The following SEZ6L variants were observed in gnomAD, a reference collection of about 807,000 sequenced individuals.
The protein encoded by SEZ6L is seizure related 6 homolog like.
SEZ6L carries 37 observed loss-of-function variants against 106.2 expected under a neutral mutation model. The observed-to-expected ratio is 0.35, with a 90% confidence interval of 0.27 to 0.46. The LOEUF (loss-of-function observed/expected upper bound fraction) is 0.46. Among genes scored for constraint, SEZ6L ranks in the 20% least tolerant of loss-of-function variants. The pLI is 1.00. For missense variants in SEZ6L, 1,172 were observed against 1,332.8 expected, an observed-to-expected ratio of 0.88 and a Z score of 1.88; for synonymous variants, 541 against 570.4, an observed-to-expected ratio of 0.95 and a Z score of 0.73.
At chr22:26,177,982 T>C (rs1939133675) in intron 1 of SEZ6L, among the ~76,000 whole-genome samples, 1 of 152,198 alleles carries the variant, frequency 6.6e-6, no homozygotes, top group Admixed American at 6.5e-5. Flanking sequence ...GTCTTCTGAC[T>C]CCCATGCTAA....
At chr22:26,278,764 A>AGAAAGAAG (rs1470390229) in intron 1 of SEZ6L, among the ~76,000 whole-genome samples, 9 of 151,860 alleles carry the variant, frequency 5.9e-5, no homozygotes, top group Non-Finnish European at 1.2e-4. Flanking sequence ...AGAAGGGGAA[A>AGAAAGAAG]GAAAGAAGGA....
intron 1 of SEZ6L, among the ~76,000 whole-genome samples, chr22:26,288,399 T>C (rs987309096): frequency 2.6e-5 from 4 of 151,922 alleles, no homozygotes; most frequent in African/African-American, 9.7e-5. Flanking sequence ...GGAGTTGGGG[T>C]TGGAGATTAG....
chr22:26,359,243 G>A (rs2083535028), intron 12 of SEZ6L, among the ~76,000 whole-genome samples: 1 of 152,132 alleles, frequency 6.6e-6, no homozygotes, highest in African/African-American at 2.4e-5. Context: ...CTGAGGACTG[G>A]GTCAAAATTG....
At chr22:26,354,433 T>C (rs539462500) in intron 12 of SEZ6L, among the ~76,000 whole-genome samples, 28 of 152,306 alleles carry the variant, frequency 1.8e-4, no homozygotes, top group African/African-American at 6.7e-4. Flanking sequence ...GTGGCCCTGC[T>C]GACACCTTGA....
chr22:26,304,866 C>T (rs2081585242), intron 5 of SEZ6L, among the ~76,000 whole-genome samples: 1 of 152,060 alleles, frequency 6.6e-6, no homozygotes, highest in African/African-American at 2.4e-5. Flanking sequence ...TACAGTTATG[C>T]ATCACTTAAC....
At chr22:26,229,755 C>G (rs551708550) in intron 1 of SEZ6L, among the ~76,000 whole-genome samples, 1 of 152,160 alleles carries the variant, frequency 6.6e-6, no homozygotes, top group Admixed American at 6.5e-5. Context: ...TTGAAAGTTC[C>G]CCAGATGATT....
At position 26,220,574 on chromosome 22, in the gene SEZ6L, A is replaced by T. The variant is rs149187727; in HGVS notation, c.94+50811A>T. ...CTTGGGTGAAGCAGGTCTCATTGCC[A>T]GGTGAGATGATGATGAGACAGGTGC... On this transcript the variant is annotated intron_variant, in intron 1 of 16. Transcript: ENST00000248933. Among the ~76,000 whole-genome samples the T allele has an allele frequency of 6.5e-4, 99 of 152,238 alleles. 2 individuals are homozygous for T. The highest frequency in any genetic ancestry group is 3.4e-3 in the Middle Eastern group (1 of 294).
At chr22:26,368,789 T>C (rs1182930396) in intron 13 of SEZ6L, among the ~76,000 whole-genome samples, 1 of 152,068 alleles carries the variant, frequency 6.6e-6, no homozygotes, top group Non-Finnish European at 1.5e-5. Context: ...TTAAGTCTTA[T>C]GACCACTGTC....
chr22:26,302,626 G>T (rs1012860897), intron 5 of SEZ6L, among the ~76,000 whole-genome samples: 3 of 152,168 alleles, frequency 2.0e-5, no homozygotes, highest in African/African-American at 7.2e-5. Flanking sequence ...TTCCCCCAAG[G>T]CCCTTCAGAA....
At chr22:26,297,154 T>G in intron 4 of SEZ6L, 74 bp downstream of exon 4, 1 of 1,313,922 alleles carries the variant, frequency 7.6e-7, no homozygotes, top group African/African-American at 1.5e-5. Flanking sequence ...ATTTTAAAAC[T>G]TTTTGTGCCA....
At chr22:26,363,611 GC>G (rs1406386669) in intron 12 of SEZ6L, among the ~76,000 whole-genome samples, 5 of 152,200 alleles carry the variant, frequency 3.3e-5, no homozygotes, top group African/African-American at 1.2e-4. Context: ...GGTCTTGAAG[GC>G]ATGCTTGAGA....
intron 1 of SEZ6L, among the ~76,000 whole-genome samples, chr22:26,194,171 G>C (rs1260947266): frequency 6.6e-6 from 1 of 152,158 alleles, no homozygotes; most frequent in Non-Finnish European, 1.5e-5. Context: ...CAAGAACTTT[G>C]GGGCTGAAAG....
intron 11 of SEZ6L, among the ~76,000 whole-genome samples, chr22:26,350,127 T>C (rs1231562699): frequency 6.6e-6 from 1 of 151,648 alleles, no homozygotes; most frequent in East Asian, 1.9e-4. Flanking sequence ...ATATGCAACC[T>C]TATACATAGG....
At position 26,314,091 on chromosome 22, in the gene SEZ6L, C is replaced by G. The variant is rs942001102; in HGVS notation, c.2015+189C>G. Among the ~76,000 whole-genome samples the G allele has an allele frequency of 5.8e-3, 821 of 142,434 alleles. 15 individuals carry two copies. The East Asian group carries it at 0.058, about 10-fold the overall frequency. The allele number at this position is 142,434 out of a possible 152,430, so 93.4% of individuals were successfully genotyped here. On this transcript the variant is annotated intron_variant, in intron 9 of 16. Transcript: ENST00000248933. ...ACAAATACACACACACACACACACA[C>G]ACACAGAGAGAGAGAGAGAGGAGAG...
At position 26,373,449 on chromosome 22, in the gene SEZ6L, A is replaced by G; in HGVS notation, c.2795-2A>G. 6.9e-6 allele frequency: 11 copies of G among 1,601,688 alleles called. No individual in the cohort carries two copies. The highest frequency in any genetic ancestry group is 9.4e-6 in the Non-Finnish European group (11 of 1,175,894). ...ACCAATGCTTCCTGATTTCTCTTTCAGTTAATCAAGACAGTTTTGAACATG... is the reference window on the plus strand; with the variant it reads ...ACCAATGCTTCCTGATTTCTCTTTCGGTTAATCAAGACAGTTTTGAACATG... On this transcript the variant is annotated splice_acceptor_variant, in intron 13 of 16. Transcript: ENST00000248933. LOFTEE classifies it high-confidence loss of function.
At chr22:26,362,022 C>G (rs1407942071) in intron 12 of SEZ6L, among the ~76,000 whole-genome samples, 1 of 77,958 alleles carries the variant, frequency 1.3e-5, no homozygotes, top group Non-Finnish European at 2.5e-5. Flanking sequence ...CAGACCCACC[C>G]TGCATTAAAA....
chr22:26,324,103 A>ACACAAACACAC (rs1569463232), intron 9 of SEZ6L, among the ~76,000 whole-genome samples: 2 of 83,304 alleles, frequency 2.4e-5, no homozygotes, highest in African/African-American at 1.1e-4. Flanking sequence ...CACACACACA[A>ACACAAACACAC]ACACACACAC....
chr22:26,382,809 A>C lies in SEZ6L; in HGVS notation c.*2514A>C, dbSNP rs2146099720. The C allele has an allele frequency of 6.6e-6, 1 of 152,320 alleles. No homozygotes were observed. Among genetic ancestry groups the C allele is most frequent in the South Asian group, 2.1e-4 (1 of 4,830 alleles). The allele number at this position is 152,320 out of a possible 1,614,324, so 9.4% of individuals were successfully genotyped here. A position where few individuals can be genotyped will look rare whatever the true frequency, so the allele number is the denominator to read the frequency against. On this transcript the variant is annotated 3_prime_UTR_variant, in exon 17 of 17. Transcript: ENST00000248933. ...ATGTACGTCTGTTTTTATAAGATCA[A>C]TATTAAAACCCATTGGGATTAAATA...
chr22:26,312,244 T>C (rs1237356220), intron 8 of SEZ6L, among the ~76,000 whole-genome samples: 1 of 152,244 alleles, frequency 6.6e-6, no homozygotes, highest in African/African-American at 2.4e-5. Context: ...TCCTAAATAC[T>C]CCCTCTGCTA....
Sources: allele counts gnomAD v4.1 joint callset (sites outside exome capture counted in the v4.1 genomes callset), GRCh38; gene constraint gnomAD v4.1.1; transcripts MANE v1.5; gene names NCBI Gene and HGNC (gene_info 2026-07-23, HGNC 2026-07-21).